Variants in B3GALT1 observed in about 807,000 individuals in gnomAD.
B3GALT1 encodes beta-1,3-galactosyltransferase 1, also known as UDP-Gal:betaGlcNAc beta 1,3-galactosyltransferase, polypeptide 1.
A neutral mutation model predicts 23.2 loss-of-function variants in B3GALT1; 10 were observed. The ratio of observed to expected loss-of-function variants is 0.43; its 90% CI spans 0.27 to 0.73. B3GALT1 has a LOEUF of 0.73. B3GALT1 is among the 30% of genes least tolerant of loss of function. The pLI, the probability that B3GALT1 is intolerant of heterozygous loss-of-function variation, is 0.21. For synonymous variants in B3GALT1, 156 were observed against 141.5 expected, an observed-to-expected ratio of 1.10 and a Z score of -0.73; for missense variants, 299 against 405.4, an observed-to-expected ratio of 0.74 and a Z score of 2.25.
chr2:167,866,999 T>C (rs1254529890), intron 4 of B3GALT1, among the ~76,000 whole-genome samples: 2 of 152,010 alleles, frequency 1.3e-5, no homozygotes, highest in Non-Finnish European at 2.9e-5. Context: ...CAATCTCAGC[T>C]CACTGCAAGC....
intron 3 of B3GALT1, among the ~76,000 whole-genome samples, chr2:167,732,242 G>A (rs948675947): frequency 4.6e-5 from 7 of 152,190 alleles, no homozygotes; most frequent in African/African-American, 1.4e-4. Context: ...GCATAAAATT[G>A]TAAATTGGAC....
At chr2:167,757,021 C>A (rs1334462104) in intron 3 of B3GALT1, among the ~76,000 whole-genome samples, 1 of 152,118 alleles carries the variant, frequency 6.6e-6, no homozygotes, top group African/African-American at 2.4e-5. Context: ...ACTTCTCAAC[C>A]ATTTTGTTTG....
chr2:167,574,646 A>T (rs1431938065), intron 2 of B3GALT1, among the ~76,000 whole-genome samples: 1 of 151,720 alleles, frequency 6.6e-6, no homozygotes, highest in Non-Finnish European at 1.5e-5. Context: ...AGCTCAAATT[A>T]TACCATGTTT....
At chr2:167,862,085 G>A (rs1175122336) in intron 4 of B3GALT1, among the ~76,000 whole-genome samples, 1 of 152,148 alleles carries the variant, frequency 6.6e-6, no homozygotes, top group African/African-American at 2.4e-5. Context: ...TAAGAAATCA[G>A]TGTTGACTTG....
intron 2 of B3GALT1, among the ~76,000 whole-genome samples, chr2:167,623,060 C>T (rs1685286440): frequency 6.6e-6 from 1 of 151,934 alleles, no homozygotes; most frequent in Non-Finnish European, 1.5e-5. Context: ...ATGTCAAAGC[C>T]ACAATGAGAT....
At chr2:167,563,347 G>T (rs1263267547) in intron 2 of B3GALT1, among the ~76,000 whole-genome samples, 1 of 144,336 alleles carries the variant, frequency 6.9e-6, no homozygotes, top group Non-Finnish European at 1.5e-5. Flanking sequence ...GCGGCTGGCC[G>T]GGCGGGGGGC....
chr2:167,655,763 T>C (rs1013790241), intron 3 of B3GALT1, among the ~76,000 whole-genome samples: 1 of 152,182 alleles, frequency 6.6e-6, no homozygotes, highest in African/African-American at 2.4e-5. Flanking sequence ...ATATGCCTTA[T>C]TAAATTCTGT....
intron 2 of B3GALT1, among the ~76,000 whole-genome samples, chr2:167,541,409 G>T (rs1683532121): frequency 6.6e-6 from 1 of 152,128 alleles, no homozygotes; most frequent in Non-Finnish European, 1.5e-5. Context: ...TAAAATTTTT[G>T]TGAGTGGCCT....
chr2:167,731,383 T>G lies in B3GALT1; in HGVS notation c.-352+84417T>G, dbSNP rs150149129. 4.0e-3 allele frequency among the ~76,000 whole-genome samples: 611 copies of G among 152,290 alleles called. 9 individuals are homozygous for G. Among genetic ancestry groups the G allele is most frequent in the African/African-American group, 0.012 (503 of 41,564 alleles). On this transcript the variant is annotated intron_variant, in intron 3 of 4. Transcript: ENST00000392690. ...TGCCAGATGATATTTCTCTGCACAC[T>G]TAGTTTTAAAAGGTTTCATATTTTG...
chr2:167,457,275 C>T (rs1158851044), intron 1 of B3GALT1, among the ~76,000 whole-genome samples: 11 of 152,114 alleles, frequency 7.2e-5, no homozygotes, highest in Middle Eastern at 6.8e-3. Context: ...CAGGTTCAAA[C>T]GATTCTCCTG....
At chr2:167,581,768 AT>A (rs759073667) in intron 2 of B3GALT1, among the ~76,000 whole-genome samples, 2 of 152,194 alleles carry the variant, frequency 1.3e-5, no homozygotes, top group Non-Finnish European at 2.9e-5. Context: ...GGGTTTGCAC[AT>A]TTTTTTGAGG....
At chr2:167,585,058 G>A (rs777007244) in intron 2 of B3GALT1, among the ~76,000 whole-genome samples, 1 of 152,146 alleles carries the variant, frequency 6.6e-6, no homozygotes, top group Non-Finnish European at 1.5e-5. Context: ...CCTGTAAACA[G>A]CTCTCATCCT....
intron 1 of B3GALT1, among the ~76,000 whole-genome samples, chr2:167,443,373 C>T (rs1355663601): frequency 1.3e-5 from 2 of 152,214 alleles, no homozygotes; most frequent in Non-Finnish European, 2.9e-5. Context: ...TTTTTGGTTC[C>T]ATATGAACTT....
At chr2:167,816,722 T>G (rs1285543516) in intron 3 of B3GALT1, among the ~76,000 whole-genome samples, 1 of 152,242 alleles carries the variant, frequency 6.6e-6, no homozygotes, top group African/African-American at 2.4e-5. Context: ...GTAAAATCTT[T>G]CAGGTGCTAT....
chr2:167,822,781 T>C lies in B3GALT1; in HGVS notation c.-230+3988T>C, dbSNP rs76776687. Among the ~76,000 whole-genome samples, 1,484 of 152,308 alleles carry C rather than the reference T, an allele frequency of 9.7e-3. 29 individuals carry two copies. Among genetic ancestry groups the C allele is most frequent in the African/African-American group, 0.034 (1,414 of 41,542 alleles). On this transcript the variant is annotated intron_variant, in intron 4 of 4. Transcript: ENST00000392690. ...TCACTCCTCCACATGCCTTTTCAGA[T>C]GTCCACAGTGAAAATTAAGCTCCTT...
intron 1 of B3GALT1, among the ~76,000 whole-genome samples, chr2:167,409,699 G>A (rs1698361135): frequency 6.6e-6 from 1 of 151,892 alleles, no homozygotes; most frequent in Non-Finnish European, 1.5e-5. Flanking sequence ...GTTAGAACAT[G>A]CCCCTTTAGC....
At chr2:167,306,721 T>G (rs573625597) in intron 1 of B3GALT1, among the ~76,000 whole-genome samples, 1 of 152,122 alleles carries the variant, frequency 6.6e-6, no homozygotes, top group East Asian at 1.9e-4. Context: ...GAACTTCCTT[T>G]CAGTCTCATT....
chr2:167,604,435 AG>A (rs2105426659), intron 2 of B3GALT1, among the ~76,000 whole-genome samples: 1 of 152,380 alleles, frequency 6.6e-6, no homozygotes, highest in Non-Finnish European at 1.5e-5. Context: ...CACCTCTGTA[AG>A]GAAATTTACA....
chr2:167,548,390 G>A (rs188170539), intron 2 of B3GALT1, among the ~76,000 whole-genome samples: 4 of 152,308 alleles, frequency 2.6e-5, no homozygotes, highest in Non-Finnish European at 5.9e-5. Flanking sequence ...GAAGACTCTA[G>A]TTCCCAGATG....
Sources: allele counts gnomAD v4.1 joint callset (sites outside exome capture counted in the v4.1 genomes callset), GRCh38; gene constraint gnomAD v4.1.1; transcripts MANE v1.5; gene names NCBI Gene and HGNC (gene_info 2026-07-23, HGNC 2026-07-21).